The following RABGAP1L variants were observed in gnomAD, a reference collection of about 807,000 sequenced individuals.
RABGAP1L encodes rab GTPase-activating protein 1-like.
RABGAP1L carries 63 observed loss-of-function variants against 137.7 expected under a neutral mutation model. The observed-to-expected ratio is 0.46, with a 90% CI of 0.37 to 0.56. The LOEUF (loss-of-function observed/expected upper bound fraction) is 0.56, where lower values mean the gene tolerates loss of function less well. RABGAP1L is among the 20% of genes least tolerant of loss of function. The probability of loss-of-function intolerance (pLI) is 0.00; values close to 1 mark genes in which losing one functional copy is unlikely to be tolerated. For synonymous variants in RABGAP1L, 431 were observed against 433.7 expected, an observed-to-expected ratio of 0.99 and a Z score of 0.08; for missense variants, 1,095 against 1,244.0, an observed-to-expected ratio of 0.88 and a Z score of 1.80.
At chr1:174,569,820 C>G (rs7414200) in intron 13 of RABGAP1L, among the ~76,000 whole-genome samples, 54,567 of 152,100 alleles carry the variant, frequency 0.36, 12,670 homozygotes, top group African/African-American at 0.66. Flanking sequence ...CTTCTTCCTT[C>G]TGCTAGACAA....
intron 7 of RABGAP1L, among the ~76,000 whole-genome samples, chr1:174,268,221 A>G (rs1674238856): frequency 7.0e-6 from 1 of 142,522 alleles, no homozygotes; most frequent in South Asian, 2.2e-4. Context: ...TTTTTTTGAG[A>G]CGGAGTCTTG....
intron 17 of RABGAP1L, among the ~76,000 whole-genome samples, chr1:174,723,018 A>G (rs1047404889): frequency 2.6e-5 from 4 of 152,206 alleles, no homozygotes; most frequent in South Asian, 2.1e-4. Flanking sequence ...GAGTGATTCA[A>G]TACAAATAAG....
intron 4 of RABGAP1L, among the ~76,000 whole-genome samples, chr1:174,233,186 C>G (rs771633926): frequency 9.2e-5 from 14 of 152,266 alleles, no homozygotes; most frequent in Non-Finnish European, 1.6e-4. Flanking sequence ...TGTCTCCCTC[C>G]TCCCTTCTCT....
chr1:174,636,389 G>A (rs57888449), intron 13 of RABGAP1L, among the ~76,000 whole-genome samples: 4 of 151,986 alleles, frequency 2.6e-5, no homozygotes, highest in Non-Finnish European at 5.9e-5. Context: ...ATAGCTGGGC[G>A]TGGTGGCGGG....
At chr1:174,413,805 G>A (rs1169049526) in intron 13 of RABGAP1L, among the ~76,000 whole-genome samples, 4 of 152,036 alleles carry the variant, frequency 2.6e-5, no homozygotes, top group Non-Finnish European at 4.4e-5. Context: ...AGTAGATGAC[G>A]CTAGGCAGCC....
chr1:174,685,522 G>T (rs1401441821), intron 15 of RABGAP1L, among the ~76,000 whole-genome samples: 2 of 150,778 alleles, frequency 1.3e-5, no homozygotes, highest in Non-Finnish European at 2.9e-5. Flanking sequence ...CAAAGTGCTG[G>T]GATTACAGGC....
At chr1:174,879,423 C>T (rs1224747324) in intron 19 of RABGAP1L, among the ~76,000 whole-genome samples, 4 of 151,408 alleles carry the variant, frequency 2.6e-5, no homozygotes, top group Admixed American at 6.6e-5. Context: ...TTAGTAGAGA[C>T]GGTATTTCAT....
At chr1:174,309,124 T>C (rs1283594387) in intron 11 of RABGAP1L, among the ~76,000 whole-genome samples, 2 of 152,030 alleles carry the variant, frequency 1.3e-5, no homozygotes, top group African/African-American at 4.8e-5. Context: ...TATTTATCTT[T>C]TGTAGCTAAT....
intron 1 of RABGAP1L, among the ~76,000 whole-genome samples, chr1:174,163,767 A>C (rs1242483754): frequency 6.6e-6 from 1 of 151,788 alleles, no homozygotes; most frequent in Non-Finnish European, 1.5e-5. Flanking sequence ...AAAATAAGAC[A>C]GTTTTTTTTT....
intron 1 of RABGAP1L, among the ~76,000 whole-genome samples, chr1:174,193,521 G>A (rs1333371824): frequency 6.6e-6 from 1 of 152,178 alleles, no homozygotes; most frequent in African/African-American, 2.4e-5. Context: ...GACAGAGCAA[G>A]ACTCTCAGAA....
chr1:174,639,176 C>G (rs1674322204), intron 14 of RABGAP1L, among the ~76,000 whole-genome samples: 1 of 151,814 alleles, frequency 6.6e-6, no homozygotes, highest in Admixed American at 6.6e-5. Context: ...TTTTTTCTTA[C>G]TTTTTCTCTC....
At chr1:174,616,356 A>G (rs1382418352) in intron 13 of RABGAP1L, among the ~76,000 whole-genome samples, 5 of 152,264 alleles carry the variant, frequency 3.3e-5, no homozygotes, top group African/African-American at 4.8e-5. Context: ...GAGAGAATTT[A>G]AACTTCAAAG....
intron 19 of RABGAP1L, among the ~76,000 whole-genome samples, chr1:174,834,355 G>T (rs1321835554): frequency 6.6e-6 from 1 of 151,878 alleles, no homozygotes; most frequent in African/African-American, 2.4e-5. Context: ...GAACCTGGGA[G>T]GCGGAGGTTG....
chr1:174,847,357 G>A (rs1208901247), intron 19 of RABGAP1L, among the ~76,000 whole-genome samples: 2 of 151,642 alleles, frequency 1.3e-5, no homozygotes, highest in Middle Eastern at 3.4e-3. Flanking sequence ...ATTTTGCAGC[G>A]GCTGGTACCG....
intron 16 of RABGAP1L, chr1:174,701,168 G>C (rs1480616652): frequency 7.7e-7 from 1 of 1,300,348 alleles, no homozygotes. Flanking sequence ...CTAATACTTT[G>C]TACCTTGCTG....
chr1:174,781,635 C>A (rs966757509), intron 18 of RABGAP1L, among the ~76,000 whole-genome samples: 2 of 152,150 alleles, frequency 1.3e-5, no homozygotes, highest in African/African-American at 4.8e-5. Context: ...ACATGAAGTC[C>A]TTGCCCATGC....
chr1:174,270,388 C>CTT (rs1457178658), intron 7 of RABGAP1L, among the ~76,000 whole-genome samples: 4 of 151,972 alleles, frequency 2.6e-5, no homozygotes, highest in African/African-American at 9.7e-5. Flanking sequence ...GCTTGAGAAA[C>CTT]AAATGACATT....
chr1:174,703,094 T>C (rs1208422910), intron 17 of RABGAP1L, among the ~76,000 whole-genome samples: 2 of 152,202 alleles, frequency 1.3e-5, no homozygotes, highest in Non-Finnish European at 2.9e-5. Flanking sequence ...ATTACTATGC[T>C]TCTTAAGGTA....
intron 13 of RABGAP1L, among the ~76,000 whole-genome samples, chr1:174,625,157 C>A (rs1233751356): frequency 1.3e-5 from 2 of 152,148 alleles, no homozygotes; most frequent in Non-Finnish European, 2.9e-5. Context: ...CAGGCATGAG[C>A]AACTGTGCCT....
Sources: allele counts gnomAD v4.1 joint callset (sites outside exome capture counted in the v4.1 genomes callset), GRCh38; gene constraint gnomAD v4.1.1; transcripts MANE v1.5; gene names NCBI Gene and HGNC (gene_info 2026-07-23, HGNC 2026-07-21).